Variants in WDR59 observed in about 807,000 individuals in gnomAD.
The protein encoded by WDR59 is GATOR2 complex protein WDR59.
A neutral mutation model predicts 131.2 loss-of-function variants in WDR59; 100 were observed. That is an observed-to-expected ratio of 0.76 (90% confidence interval 0.65 to 0.90). WDR59 has a LOEUF of 0.90. WDR59 is among the 40% of genes least tolerant of loss of function. The pLI is 0.00. For synonymous variants in WDR59, 601 were observed against 466.2 expected (o/e 1.29, Z -3.72); for missense variants, 1,203 against 1,262.2 (o/e 0.95, Z 0.71).
chr16:74,920,379 AGTGGGTTAG>A (rs898319238), intron 10 of WDR59, among the ~76,000 whole-genome samples: 1 of 152,100 alleles, frequency 6.6e-6, no homozygotes, highest in African/African-American at 2.4e-5. Context: ...TATGATGTTC[AGTGGGTTAG>A]GTGGGTTAAA....
chr16:74,917,457 A>T (rs1221406595), intron 11 of WDR59, among the ~76,000 whole-genome samples: 2 of 152,064 alleles, frequency 1.3e-5, no homozygotes, highest in African/African-American at 4.8e-5. Context: ...GTTCTTAAAG[A>T]CCTCAAAGCC....
At chr16:74,961,001 T>C (rs921331233) in intron 2 of WDR59, among the ~76,000 whole-genome samples, 4 of 152,022 alleles carry the variant, frequency 2.6e-5, no homozygotes. Flanking sequence ...CTACACATAT[T>C]GTAAAATTCA....
rs111533190 is a variant in WDR59, at chr16:74,874,347, C to T, written c.2787G>A (p.Val929=). 5.6e-6 allele frequency: 9 copies of T among 1,614,166 alleles called. No individual in the cohort carries two copies. The African/African-American group carries it at 8.0e-5, about 14-fold the overall frequency. ...AGAAATTGGACGATCCCCGCACAGC[C>T]ACGTGACAGATGGCACACTGGAACG... is the stretch of plus-strand genomic sequence containing the variant. ...GFTFQCAICH[V]AVRGSSNFCL... The change falls in exon 26 of 26, where the codon GTG becomes GTA. Residue 929 remains valine (V), a synonymous_variant. Coordinates refer to ENST00000262144, the MANE Select transcript of WDR59 (RefSeq NM_030581.4).
chr16:74,968,483 G>T (rs2033861187), intron 1 of WDR59, among the ~76,000 whole-genome samples: 1 of 152,168 alleles, frequency 6.6e-6, no homozygotes, highest in Non-Finnish European at 1.5e-5. Flanking sequence ...CACTTTGGGA[G>T]GCCGAGGCAG....
chr16:74,969,538 TG>T (rs988418692), intron 1 of WDR59, among the ~76,000 whole-genome samples: 2 of 151,372 alleles, frequency 1.3e-5, no homozygotes, highest in Non-Finnish European at 2.9e-5. Context: ...CCCAAAGTAC[TG>T]GGACTACAGG....
At chr16:74,913,140 G>C (rs1198054116) in intron 13 of WDR59, among the ~76,000 whole-genome samples, 1 of 151,936 alleles carries the variant, frequency 6.6e-6, no homozygotes, top group Non-Finnish European at 1.5e-5. Context: ...AGCAAAGGCA[G>C]CTTTGTCACG....
intron 8 of WDR59, among the ~76,000 whole-genome samples, chr16:74,937,591 T>A (rs1300154814): frequency 1.3e-5 from 2 of 152,108 alleles, no homozygotes; most frequent in African/African-American, 4.8e-5. Context: ...AACCTTTGCC[T>A]CCCAGGTTCA....
At chr16:74,889,924 G>C (rs1231839646) in intron 20 of WDR59, 109 bp from the exon 21 acceptor site, 3 of 728,326 alleles carry the variant, frequency 4.1e-6, no homozygotes, top group Admixed American at 3.0e-5. Flanking sequence ...TGCTACATTG[G>C]GGGCAGCAAA....
At chr16:74,917,200 A>G (rs1241318835) in intron 11 of WDR59, among the ~76,000 whole-genome samples, 1 of 152,242 alleles carries the variant, frequency 6.6e-6, no homozygotes, top group Non-Finnish European at 1.5e-5. Flanking sequence ...TGGTTCATGT[A>G]AGAAACAGAT....
rs1331931952 is a variant in WDR59 at position 74,965,838 on chromosome 16, CAG to C, written c.55-18_55-17del. 6.2e-7 allele frequency: 1 copy of C among 1,614,086 alleles called. No individual in the cohort carries two copies. The highest frequency in any genetic ancestry group is 8.5e-7 in the Non-Finnish European group (1 of 1,180,016). ...TCGCAGTTGCCTGAGAGAGAGAACA[CAG>C]AGTCAGTGCTGCCAGCAAACCCAGC... On this transcript the variant is annotated splice_polypyrimidine_tract_variant and intron_variant, in intron 1 of 25. Transcript: ENST00000262144.
At chr16:74,923,134 G>C (rs74026626) in intron 9 of WDR59, among the ~76,000 whole-genome samples, 1 of 152,094 alleles carries the variant, frequency 6.6e-6, no homozygotes, top group African/African-American at 2.4e-5. Context: ...GTATACTTTG[G>C]TGGATTTTAT....
At chr16:74,893,877 G>T (rs1353392491) in intron 18 of WDR59, 65 bp from the exon 19 acceptor site, 3 of 1,577,682 alleles carry the variant, frequency 1.9e-6, no homozygotes, top group Non-Finnish European at 1.7e-6. Context: ...CAATTGCAGA[G>T]CTCATCATAT....
In WDR59 at chr16:74,938,236, C is replaced by T. The variant is rs754376026; in HGVS notation, c.565G>A (p.Ala189Thr). The T allele has an allele frequency of 3.2e-6, 5 of 1,563,726 alleles. No individual in the cohort carries two copies. Among genetic ancestry groups the T allele is most frequent in the South Asian group, 2.4e-5 (2 of 84,450 alleles). ...KPSTAVEYLA[A>T]HLSKIHGLDW... ...AGGCCATGGATTTTGGAGAGGTGGG[C>T]GGCTAGATATTCCACTGCTGTACTG... is the stretch of plus-strand genomic sequence containing the variant. Residue 189 changes from alanine to threonine, a missense_variant, in exon 8 of 26, where the codon GCC becomes ACC. Ala to Thr is a moderately conservative substitution (Grantham distance 58). Transcript: ENST00000262144.
chr16:74,898,694 C>T (rs567432756), intron 18 of WDR59, among the ~76,000 whole-genome samples: 1 of 152,358 alleles, frequency 6.6e-6, no homozygotes, highest in Non-Finnish European at 1.5e-5. Flanking sequence ...AATGTAAAAG[C>T]AGCCCAAGAA....
In WDR59 at chr16:74,924,157, CAG is replaced by C. The variant is rs200015862; in HGVS notation, c.652-156_652-155del. ...CAGCTCCTATAACCACGCACTGTGA[CAG>C]AGACACAAAGAAACCTCCCTTTCTA... is the stretch of plus-strand genomic sequence containing the variant. On this transcript the variant is annotated intron_variant, in intron 8 of 25. Transcript: ENST00000262144. Among the ~76,000 whole-genome samples the C allele has an allele frequency of 7.6e-3, 1,157 of 152,314 alleles. 17 individuals carry two copies. Among genetic ancestry groups the C allele is most frequent in the African/African-American group, 0.027 (1,131 of 41,566 alleles).
intron 1 of WDR59, among the ~76,000 whole-genome samples, chr16:74,977,923 C>T (rs1367316111): frequency 2.0e-5 from 3 of 152,080 alleles, no homozygotes; most frequent in South Asian, 2.1e-4. Flanking sequence ...AAGCAAAAGA[C>T]GCCAGGTAGG....
rs144551057 is a variant in WDR59, at chr16:74,887,696, G to A, written c.2406C>T (p.Gly802=). 35 of 1,614,068 alleles carry A rather than the reference G, an allele frequency of 2.2e-5. No individual in the cohort carries two copies. The highest frequency in any genetic ancestry group is 1.6e-4 in the Middle Eastern group (1 of 6,062). ...SSMSDPGLNT[G]GWNIAGREAE... Reference sequence around the variant, plus strand: ...TTCCATACAAACCTATGTTCCAGCCGCCAGTGTTGAGCCCTGGGTCTGACA... The same window carrying A: ...TTCCATACAAACCTATGTTCCAGCCACCAGTGTTGAGCCCTGGGTCTGACA... The change falls in exon 23 of 26, where the codon GGC becomes GGT. Residue 802 remains glycine, a synonymous_variant. Coordinates refer to ENST00000262144, the MANE Select transcript of WDR59 (RefSeq NM_030581.4).
At chr16:74,939,109 C>T (rs1421174786) in intron 7 of WDR59, among the ~76,000 whole-genome samples, 3 of 151,744 alleles carry the variant, frequency 2.0e-5, no homozygotes, top group Non-Finnish European at 4.4e-5. Flanking sequence ...GGGTGGATCA[C>T]CTGAGGTCAG....
chr16:74,901,483 GT>G (rs1965546720), intron 18 of WDR59, among the ~76,000 whole-genome samples: 2 of 151,726 alleles, frequency 1.3e-5, no homozygotes. Flanking sequence ...AAAAATATTT[GT>G]TTTTAATTAA....
Sources: allele counts gnomAD v4.1 joint callset (sites outside exome capture counted in the v4.1 genomes callset), GRCh38; gene constraint gnomAD v4.1.1; transcripts MANE v1.5; gene names NCBI Gene and HGNC (gene_info 2026-07-23, HGNC 2026-07-21).